ADGRB3: variants seen among roughly 807,000 people sequenced by gnomAD.
ADGRB3 encodes brain-specific angiogenesis inhibitor 3.
In ADGRB3, 37 loss-of-function variants were observed where a neutral mutation model predicts 193.4. The observed-to-expected ratio is 0.19, with a 90% CI of 0.15 to 0.25. The LOEUF (loss-of-function observed/expected upper bound fraction) is 0.25, where lower values mean the gene tolerates loss of function less well. Ranked by LOEUF, ADGRB3 falls within the 10% of genes least tolerant of loss-of-function variation. ADGRB3 has a pLI of 1.00. For synonymous variants in ADGRB3, 690 were observed against 644.2 expected, an observed-to-expected ratio of 1.07 and a Z score of -1.08; for missense variants, 1,637 against 1,852.9, an observed-to-expected ratio of 0.88 and a Z score of 2.14.
intron 20 of ADGRB3, among the ~76,000 whole-genome samples, chr6:69,312,893 G>C (rs1435312422): frequency 6.6e-6 from 1 of 151,716 alleles, no homozygotes; most frequent in African/African-American, 2.4e-5. Context: ...TACTGTAACG[G>C]GTTGAGAATA....
In ADGRB3 at chr6:68,945,152, T is replaced by C. The variant is rs556894319; in HGVS notation, c.1195+1158T>C. Among the ~76,000 whole-genome samples, 4 of 150,806 alleles carry C rather than the reference T, an allele frequency of 2.7e-5. No individual in the cohort carries two copies. The South Asian group carries it at 8.4e-4, about 32-fold the overall frequency. On this transcript the variant is annotated intron_variant, in intron 6 of 31. Transcript: ENST00000370598. ...ATATGCAAAAGTCATCTAACAAACT[T>C]AATTGTTCCCTTCAGAGAAGGACTA...
chr6:68,850,851 T>G (rs1768383926), intron 3 of ADGRB3, among the ~76,000 whole-genome samples: 1 of 152,082 alleles, frequency 6.6e-6, no homozygotes, highest in African/African-American at 2.4e-5. Flanking sequence ...TTTTCACTAT[T>G]TCTGAATTAT....
rs180867975 is a variant in ADGRB3 at position 68,675,664 on chromosome 6, C to T, written c.757+36232C>T. 4.6e-5 allele frequency among the ~76,000 whole-genome samples: 7 copies of T among 152,250 alleles called. No homozygotes were observed. In the East Asian group the frequency reaches 1.2e-3, roughly 25 times the overall value. On this transcript the variant is annotated intron_variant, in intron 3 of 31. Transcript: ENST00000370598. The stretch of plus-strand genomic sequence containing the variant: ...TGGATGGAAATGAAAAAAAGATCTA[C>T]AGAGATATCCACTGCAAGAGGAGTT...
At chr6:69,254,760 G>A (rs1378397511) in intron 20 of ADGRB3, among the ~76,000 whole-genome samples, 2 of 150,288 alleles carry the variant, frequency 1.3e-5, no homozygotes, top group African/African-American at 2.5e-5. Flanking sequence ...ACAATCTGCA[G>A]GTTAGTTACA....
At chr6:68,649,377 G>A (rs1448199734) in intron 3 of ADGRB3, among the ~76,000 whole-genome samples, 1 of 152,138 alleles carries the variant, frequency 6.6e-6, no homozygotes, top group Non-Finnish European at 1.5e-5. Flanking sequence ...CTAATTGACT[G>A]TCTAAATGAC....
At chr6:68,857,385 C>G (rs1048312921) in intron 3 of ADGRB3, among the ~76,000 whole-genome samples, 7 of 152,198 alleles carry the variant, frequency 4.6e-5, no homozygotes, top group African/African-American at 1.7e-4. Context: ...TGCAAAACCA[C>G]AGGAGCAGAC....
intron 13 of ADGRB3, among the ~76,000 whole-genome samples, chr6:69,029,976 G>GCACACACACACACACA (rs10653397): frequency 5.5e-5 from 8 of 145,198 alleles, no homozygotes; most frequent in Non-Finnish European, 9.0e-5. Flanking sequence ...TATATAGAAT[G>GCACACACACACACACA]CACACACACA....
intron 13 of ADGRB3, among the ~76,000 whole-genome samples, chr6:69,031,879 A>C (rs1455981364): frequency 6.6e-6 from 1 of 151,738 alleles, no homozygotes; most frequent in Non-Finnish European, 1.5e-5. Flanking sequence ...GAGATCTCCC[A>C]CCTTGGCCTC....
chr6:68,913,907 A>G (rs1399026379), intron 3 of ADGRB3, among the ~76,000 whole-genome samples: 1 of 152,020 alleles, frequency 6.6e-6, no homozygotes, highest in Admixed American at 6.5e-5. Flanking sequence ...CAGAAGCCTC[A>G]GGAGCCGATG....
intron 15 of ADGRB3, among the ~76,000 whole-genome samples, chr6:69,059,113 T>C (rs192620746): frequency 5.5e-4 from 84 of 152,268 alleles, no homozygotes; most frequent in Admixed American, 2.8e-3. Flanking sequence ...TATTTCAATG[T>C]TTGCTTCACA....
chr6:69,377,623 T>A (rs1769857604), intron 30 of ADGRB3, among the ~76,000 whole-genome samples: 1 of 152,028 alleles, frequency 6.6e-6, no homozygotes, highest in African/African-American at 2.4e-5. Context: ...TGGTTTCTAA[T>A]TCCCATCAGC....
chr6:68,815,733 A>G (rs1361528108), intron 3 of ADGRB3, among the ~76,000 whole-genome samples: 2 of 151,958 alleles, frequency 1.3e-5, no homozygotes, highest in African/African-American at 4.8e-5. Context: ...CCTTCAATAC[A>G]TTTTACATAC....
rs998329087 is a variant in ADGRB3 at position 68,661,533 on chromosome 6, G to A, written c.757+22101G>A. Among the ~76,000 whole-genome samples, 9 of 50,084 alleles carry A rather than the reference G, an allele frequency of 1.8e-4. No individual in the cohort carries two copies. In the East Asian group the frequency reaches 9.7e-3, roughly 54 times the overall value. 32.9% of individuals were successfully genotyped at this position (50,084 alleles called of 152,430 possible). A position where few individuals can be genotyped will look rare whatever the true frequency, so the allele number is the denominator to read the frequency against. On this transcript the variant is annotated intron_variant, in intron 3 of 31. Transcript: ENST00000370598. ...TATGTGTGTATACATATATATATGT[G>A]TATACATATATATATATATATATAT... is the stretch of plus-strand genomic sequence containing the variant.
chr6:69,278,708 G>C (rs776693245), intron 20 of ADGRB3, among the ~76,000 whole-genome samples: 4 of 152,080 alleles, frequency 2.6e-5, no homozygotes, highest in African/African-American at 4.8e-5. Context: ...AAGACCATGG[G>C]TTCCAGGTTC....
intron 3 of ADGRB3, among the ~76,000 whole-genome samples, chr6:68,750,173 AAGT>A (rs1257531729): frequency 4.7e-4 from 72 of 152,338 alleles, no homozygotes; most frequent in African/African-American, 1.6e-3. Context: ...TGCTCAAGAA[AAGT>A]AGTAAGTTTT....
chr6:69,250,323 T>C lies in ADGRB3; in HGVS notation c.2814+11097T>C, dbSNP rs943591474. On this transcript the variant is annotated intron_variant, in intron 20 of 31. Coordinates refer to ENST00000370598, the MANE Select transcript of ADGRB3 (RefSeq NM_001704.3). ...TAGTTCTGCTTTTCTTATTTACTTA[T>C]TTTTGTTTATTTTTATTAGAAATAA... Among the ~76,000 whole-genome samples the C allele has an allele frequency of 1.4e-3, 23 of 16,304 alleles. No homozygotes were observed. In the African/African-American group the frequency reaches 0.017, roughly 12 times the overall value. 10.7% of individuals were successfully genotyped at this position (16,304 alleles called of 152,430 possible).
chr6:68,832,147 A>G (rs900976816), intron 3 of ADGRB3, among the ~76,000 whole-genome samples: 8 of 152,218 alleles, frequency 5.3e-5, no homozygotes, highest in African/African-American at 7.2e-5. Flanking sequence ...GTAGGATTAG[A>G]CAAAATTAAT....
At chr6:68,789,247 C>A (rs1248444094) in intron 3 of ADGRB3, among the ~76,000 whole-genome samples, 1 of 151,266 alleles carries the variant, frequency 6.6e-6, no homozygotes, top group Non-Finnish European at 1.5e-5. Context: ...TTCTTCCTAG[C>A]CTTGATGGTC....
At chr6:69,205,159 C>G (rs561631636) in intron 17 of ADGRB3, among the ~76,000 whole-genome samples, 70 of 152,216 alleles carry the variant, frequency 4.6e-4, no homozygotes, top group South Asian at 3.5e-3. Flanking sequence ...CTTAACACTC[C>G]TACTATCAAA....
Sources: allele counts gnomAD v4.1 joint callset (sites outside exome capture counted in the v4.1 genomes callset), GRCh38; gene constraint gnomAD v4.1.1; transcripts MANE v1.5; gene names NCBI Gene and HGNC (gene_info 2026-07-23, HGNC 2026-07-21).